EIF1: variants seen among roughly 807,000 people sequenced by gnomAD.
EIF1 encodes protein translation factor SUI1 homolog.
EIF1 carries 4 observed loss-of-function variants against 13.7 expected under a neutral mutation model. The ratio of observed to expected loss-of-function variants is 0.29; its 90% CI spans 0.14 to 0.67. The LOEUF (loss-of-function observed/expected upper bound fraction) is 0.67, where lower values mean the gene tolerates loss of function less well. Ranked by LOEUF, EIF1 falls within the 30% of genes least tolerant of loss-of-function variation. The probability of loss-of-function intolerance (pLI) is 0.77; values close to 1 mark genes in which losing one functional copy is unlikely to be tolerated. For missense variants in EIF1, 64 were observed against 138.0 expected, an observed-to-expected ratio of 0.46 and a Z score of 2.69; for synonymous variants, 67 against 50.7, an observed-to-expected ratio of 1.32 and a Z score of -1.37.
chr17:41,689,186 C>T (rs1168970966), intron 1 of EIF1, 117 bp downstream of exon 1: 22 of 1,236,900 alleles, frequency 1.8e-5, no homozygotes, highest in Non-Finnish European at 2.3e-5. Context: ...GCAGGGGAAA[C>T]TTGACCAGGG....
intron 3 of EIF1, 162 bp from the exon 4 acceptor site, chr17:41,690,620 C>CA (rs1910346710): frequency 3.0e-6 from 2 of 666,444 alleles, no homozygotes; most frequent in Non-Finnish European, 5.3e-6. Context: ...ACTGAGTGTT[C>CA]AAAAAAGGTA....
rs1184894194 is a variant in EIF1 at position 41,692,661 on chromosome 17, A to G, written c.*1835A>G. 6.6e-6 allele frequency: 1 copy of G among 152,176 alleles called. No individual in the cohort carries two copies. Among genetic ancestry groups the G allele is most frequent in the Non-Finnish European group, 1.5e-5 (1 of 68,046 alleles). 9.4% of individuals were successfully genotyped at this position (152,176 alleles called of 1,614,324 possible). A position where few individuals can be genotyped will look rare whatever the true frequency, so the allele number is the denominator to read the frequency against. On this transcript the variant is annotated 3_prime_UTR_variant, in exon 4 of 4. Coordinates refer to ENST00000469257, the MANE Select transcript of EIF1 (RefSeq NM_005801.4). ...CAACACGAACTAATAAATTTTGCTA[A>G]AACATGAGTTTTGTTTGGTGACTTT...
At chr17:41,689,516 A>G in intron 1 of EIF1, 1 of 468,168 alleles carries the variant, frequency 2.1e-6, no homozygotes. Context: ...TGGGTGGGGC[A>G]CCGCCTGGCA....
intron 1 of EIF1, chr17:41,689,347 C>T (rs1036476285): frequency 7.1e-6 from 4 of 565,292 alleles, no homozygotes; most frequent in African/African-American, 5.7e-5. Flanking sequence ...CACACCCGCC[C>T]CTCCCGTCAC....
In EIF1 at chr17:41,692,085, C is replaced by T. The variant is rs1398938337; in HGVS notation, c.*1259C>T. 1 of 152,350 alleles carries T rather than the reference C, an allele frequency of 6.6e-6. No homozygotes were observed. Among genetic ancestry groups the T allele is most frequent in the Non-Finnish European group, 1.5e-5 (1 of 68,152 alleles). The allele number at this position is 152,350 out of a possible 1,614,324, so 9.4% of individuals were successfully genotyped here. A position where few individuals can be genotyped will look rare whatever the true frequency, so the allele number is the denominator to read the frequency against. Reference sequence around the variant, plus strand: ...TGCTGGGATTACAGGCATGAGCCACCATGCCCAGCAGGTCAACTGTTTTTG... The same window carrying T: ...TGCTGGGATTACAGGCATGAGCCACTATGCCCAGCAGGTCAACTGTTTTTG... On this transcript the variant is annotated 3_prime_UTR_variant, in exon 4 of 4. Transcript: ENST00000469257.
rs1258098426 is a variant in EIF1 at position 41,691,919 on chromosome 17, C to T, written c.*1093C>T. ...TCAGGTTCAAGCAATTGTCGTGCCT[C>T]AGCCTCCCTAGTAGCTGGGATTACA... On this transcript the variant is annotated 3_prime_UTR_variant, in exon 4 of 4. Coordinates refer to ENST00000469257, the MANE Select transcript of EIF1 (RefSeq NM_005801.4). The T allele has an allele frequency of 6.6e-6, 1 of 152,312 alleles. No individual in the cohort carries two copies. The highest frequency in any genetic ancestry group is 1.9e-4 in the East Asian group (1 of 5,194). 9.4% of individuals were successfully genotyped at this position (152,312 alleles called of 1,614,324 possible). A position where few individuals can be genotyped will look rare whatever the true frequency, so the allele number is the denominator to read the frequency against.
chr17:41,689,757 G>A (rs576108535), intron 1 of EIF1, 21 bp from the exon 2 acceptor site: 4 of 1,572,434 alleles, frequency 2.5e-6, no homozygotes, highest in East Asian at 2.3e-5. Context: ...AGCTCTGAAC[G>A]AGCTTAACCT....
chr17:41,688,907 C>A lies in EIF1; in HGVS notation c.-132C>A. 1.1e-6 allele frequency: 1 copy of A among 883,712 alleles called. No individual in the cohort carries two copies. The highest frequency in any genetic ancestry group is 1.5e-5 in the South Asian group (1 of 66,486). 54.7% of individuals were successfully genotyped at this position (883,712 alleles called of 1,614,324 possible). ...TCTGCCCCAGTCACTGAGCCGCCGC[C>A]GAGGATTCAGCAGCCTCCCCCTTGA... On this transcript the variant is annotated 5_prime_UTR_variant, in exon 1 of 4. Transcript: ENST00000469257.
chr17:41,690,526 A>G (rs1910342319), intron 3 of EIF1: 2 of 565,794 alleles, frequency 3.5e-6, no homozygotes, highest in Admixed American at 6.7e-5. Flanking sequence ...AAATACTGTT[A>G]CATGATCAGC....
chr17:41,691,540 C>G lies in EIF1; in HGVS notation c.*714C>G, dbSNP rs1047119581. 3.9e-5 allele frequency: 6 copies of G among 152,764 alleles called. No homozygotes were observed. The highest frequency in any genetic ancestry group is 1.2e-4 in the African/African-American group (5 of 41,442). 9.5% of individuals were successfully genotyped at this position (152,764 alleles called of 1,614,324 possible). On this transcript the variant is annotated 3_prime_UTR_variant, in exon 4 of 4. Transcript: ENST00000469257. ...ACTTAATAGCAGCAGCTGCCCAATG[C>G]CATGTGAAGTAACAAACTGGTTTTT...
rs781292857 is a variant in EIF1, at chr17:41,689,769, T to A, written c.32-9T>A. 3.2e-5 allele frequency: 50 copies of A among 1,587,156 alleles called. No homozygotes were observed. The South Asian group carries it at 5.6e-4, about 18-fold the overall frequency. ...GACAGCTCTGAACGAGCTTAACCTT[T>A]TTTTTCAGACCCCTTTGCTGATGCA... On this transcript the variant is annotated splice_polypyrimidine_tract_variant and intron_variant, in intron 1 of 3. Coordinates refer to ENST00000469257, the MANE Select transcript of EIF1 (RefSeq NM_005801.4).
chr17:41,691,381 G>T lies in EIF1; in HGVS notation c.*555G>T, dbSNP rs189051320. 8.2e-4 allele frequency: 135 copies of T among 164,984 alleles called. No homozygotes were observed. The highest frequency in any genetic ancestry group is 3.1e-3 in the African/African-American group (129 of 42,054). The allele number at this position is 164,984 out of a possible 1,614,324, so 10.2% of individuals were successfully genotyped here. On this transcript the variant is annotated 3_prime_UTR_variant, in exon 4 of 4. Coordinates refer to ENST00000469257, the MANE Select transcript of EIF1 (RefSeq NM_005801.4). ...TCTGGCTTGCCACAAAGGTCTGTTC[G>T]ACCAGACATATCCTAGCTAAGGGAT...
Position 41,689,247 on chromosome 17 carries a change from C to T in EIF1, c.31+178C>T, listed in dbSNP as rs183166164. On this transcript the variant is annotated intron_variant, in intron 1 of 3. Coordinates refer to ENST00000469257, the MANE Select transcript of EIF1 (RefSeq NM_005801.4). ...GGGCCCCGGGGTCGGACCCTGAGCG[C>T]GACCGGAAGGAGCAGGCGGTAGGTC... The T allele has an allele frequency of 1.8e-4, 126 of 710,526 alleles. 1 individual carries two copies. The highest frequency in any genetic ancestry group is 2.6e-4 in the Non-Finnish European group (112 of 430,572). 44.0% of individuals were successfully genotyped at this position (710,526 alleles called of 1,614,324 possible). A position where few individuals can be genotyped will look rare whatever the true frequency, so the allele number is the denominator to read the frequency against.
chr17:41,689,225 C>T (rs1910290749), intron 1 of EIF1, 156 bp downstream of exon 1: 1 of 876,544 alleles, frequency 1.1e-6, no homozygotes, highest in Non-Finnish European at 1.8e-6. Context: ...AAGGCCTGGG[C>T]CCCGGGGTCG....
chr17:41,690,748 C>T, intron 3 of EIF1, 34 bp from the exon 4 acceptor site: 2 of 1,612,668 alleles, frequency 1.2e-6, no homozygotes, highest in Non-Finnish European at 1.7e-6. Context: ...TCTCCCTGTC[C>T]CCCATTTAAA....
chr17:41,690,741 C>T (rs1487944257), intron 3 of EIF1, 41 bp from the exon 4 acceptor site: 43 of 1,610,956 alleles, frequency 2.7e-5, no homozygotes, highest in Non-Finnish European at 3.3e-5. Flanking sequence ...CTTTAACTCT[C>T]CCTGTCCCCC....
intron 3 of EIF1, 125 bp from the exon 4 acceptor site, chr17:41,690,657 A>G (rs1249889687): frequency 1.0e-6 from 1 of 988,900 alleles, no homozygotes; most frequent in East Asian, 2.4e-5. Context: ...CCTCTGTTGA[A>G]CCATTGTGCG....
chr17:41,689,380 C>T (rs1910299395), intron 1 of EIF1: 4 of 538,092 alleles, frequency 7.4e-6, no homozygotes, highest in Admixed American at 3.6e-5. Context: ...TCCGTTACGT[C>T]ACCACCCGTT....
Position 41,691,187 on chromosome 17 carries a change from C to T in EIF1, c.*361C>T. The T allele has an allele frequency of 2.2e-6, 1 of 451,274 alleles. No homozygotes were observed. The highest frequency in any genetic ancestry group is 4.0e-6 in the Non-Finnish European group (1 of 252,944). 28.0% of individuals were successfully genotyped at this position (451,274 alleles called of 1,614,324 possible). On this transcript the variant is annotated 3_prime_UTR_variant, in exon 4 of 4. Coordinates refer to ENST00000469257, the MANE Select transcript of EIF1 (RefSeq NM_005801.4). Reference sequence around the variant, plus strand: ...AGTTCCCTACCCTAAGAGAATGTTACCACCTGAACAGTCCTCGGTGAATCT... The same window carrying T: ...AGTTCCCTACCCTAAGAGAATGTTATCACCTGAACAGTCCTCGGTGAATCT...
Sources: allele counts gnomAD v4.1 joint callset, GRCh38; gene constraint gnomAD v4.1.1; transcripts MANE v1.5; gene names NCBI Gene and HGNC (gene_info 2026-07-23, HGNC 2026-07-21).